DGCR2: variants seen among roughly 807,000 people sequenced by gnomAD.
DGCR2 encodes DiGeorge syndrome critical region gene 2.
A neutral mutation model predicts 51.6 loss-of-function variants in DGCR2; 24 were observed. The ratio of observed to expected loss-of-function variants is 0.47; its 90% confidence interval spans 0.34 to 0.65. DGCR2 has a LOEUF of 0.65. Among genes scored for constraint, DGCR2 ranks in the 30% least tolerant of loss-of-function variants. The pLI, the probability that DGCR2 is intolerant of heterozygous loss-of-function variation, is 0.01. For synonymous variants in DGCR2, 340 were observed against 315.4 expected (o/e 1.08, Z -0.82); for missense variants, 765 against 772.1 (o/e 0.99, Z 0.11).
chr22:19,085,810 C>T (rs1370103484), intron 2 of DGCR2, among the ~76,000 whole-genome samples: 1 of 152,130 alleles, frequency 6.6e-6, no homozygotes, highest in African/African-American at 2.4e-5. Flanking sequence ...TCCAGAAGTC[C>T]TGAAGTCTAG....
intron 2 of DGCR2, among the ~76,000 whole-genome samples, chr22:19,069,111 C>T (rs893301760): frequency 2.0e-5 from 3 of 152,224 alleles, no homozygotes; most frequent in African/African-American, 7.2e-5. Flanking sequence ...TGAAGGGCAT[C>T]GGGTACAAGG....
chr22:19,064,499 C>T (rs1019303515), intron 4 of DGCR2, among the ~76,000 whole-genome samples: 4 of 152,188 alleles, frequency 2.6e-5, no homozygotes, highest in African/African-American at 7.2e-5. Flanking sequence ...ACAAGGCCCA[C>T]GAAGCCCCAC....
intron 9 of DGCR2, among the ~76,000 whole-genome samples, chr22:19,039,946 A>C (rs2082413160): frequency 6.6e-6 from 1 of 152,102 alleles, no homozygotes; most frequent in Admixed American, 6.5e-5. Flanking sequence ...CAACATAGTG[A>C]GACCCCTCCT....
chr22:19,044,716 T>C (rs1252691739), intron 7 of DGCR2, among the ~76,000 whole-genome samples: 3 of 152,272 alleles, frequency 2.0e-5, no homozygotes, highest in African/African-American at 4.8e-5. Flanking sequence ...ATTTAGTTTG[T>C]TTCCCTAATG....
intron 2 of DGCR2, among the ~76,000 whole-genome samples, chr22:19,086,379 T>G (rs1476651623): frequency 1.3e-5 from 2 of 152,020 alleles, no homozygotes; most frequent in African/African-American, 4.8e-5. Context: ...CTCAGGAGGC[T>G]GAGGCAGGAG....
At chr22:19,083,623 C>G (rs1389466421) in intron 2 of DGCR2, among the ~76,000 whole-genome samples, 1 of 152,058 alleles carries the variant, frequency 6.6e-6, no homozygotes, top group Admixed American at 6.6e-5. Context: ...TTTTCTCCCT[C>G]AAAAATTTTA....
chr22:19,098,505 A>AC (rs2083166543), intron 1 of DGCR2, among the ~76,000 whole-genome samples: 1 of 152,174 alleles, frequency 6.6e-6, no homozygotes, highest in African/African-American at 2.4e-5. Flanking sequence ...TTAGCGAAAA[A>AC]CAAAAAAAAA....
intron 2 of DGCR2, among the ~76,000 whole-genome samples, chr22:19,085,408 A>T (rs2083003967): frequency 6.6e-6 from 1 of 152,208 alleles, no homozygotes; most frequent in South Asian, 2.1e-4. Context: ...CACTGCAAAA[A>T]GTCACCTCAA....
intron 3 of DGCR2, 25 bp downstream of exon 3, chr22:19,068,071 GTCCC>G: frequency 6.5e-7 from 1 of 1,537,020 alleles, no homozygotes. Context: ...ACTCCCCAGT[GTCCC>G]AGTCAGGGCA....
At chr22:19,062,785 TC>T (rs2082690728) in intron 5 of DGCR2, among the ~76,000 whole-genome samples, 1 of 141,710 alleles carries the variant, frequency 7.1e-6, no homozygotes, top group Non-Finnish European at 1.6e-5. Context: ...GCTCACTCTC[TC>T]TCTCTCTCTC....
At chr22:19,103,930 G>A (rs546737865) in intron 1 of DGCR2, among the ~76,000 whole-genome samples, 1 of 151,988 alleles carries the variant, frequency 6.6e-6, no homozygotes, top group East Asian at 1.9e-4. Flanking sequence ...TATGAGGTGA[G>A]AGTACCTCTT....
intron 2 of DGCR2, among the ~76,000 whole-genome samples, chr22:19,084,308 T>C (rs1480954057): frequency 6.8e-6 from 1 of 148,132 alleles, no homozygotes; most frequent in Non-Finnish European, 1.5e-5. Flanking sequence ...TCATCTGAGA[T>C]ATGGGGAGCG....
Position 19,063,238 on chromosome 22 carries a change from G to C in DGCR2, c.589C>G (p.Arg197Gly). Residue 197 changes from arginine (R) to glycine (G), a missense_variant, in exon 5 of 10, where the codon CGC becomes GGC. Physicochemically the swap from Arg to Gly is moderately radical, Grantham distance 125. Transcript: ENST00000263196. ...ACCTCCCAGCGACCTTCCAAGGAGC[G>C]GTTCCGGCCAGTGATAACATACTGA... ...GYQYVITGRN[R>G]SLEGRWEVAF... is the part of the protein sequence containing the mutation. 1 of 1,614,188 alleles carries C rather than the reference G, an allele frequency of 6.2e-7. No homozygotes were observed. The highest frequency in any genetic ancestry group is 8.5e-7 in the Non-Finnish European group (1 of 1,180,022).
chr22:19,062,772 C>CAT (rs1480457456), intron 5 of DGCR2, among the ~76,000 whole-genome samples: 3 of 136,952 alleles, frequency 2.2e-5, no homozygotes, highest in Non-Finnish European at 4.8e-5. Flanking sequence ...CACACACATG[C>CAT]ATGCTCACTC....
chr22:19,077,194 A>G (rs1441803984), intron 2 of DGCR2, among the ~76,000 whole-genome samples: 2 of 152,016 alleles, frequency 1.3e-5, no homozygotes, highest in African/African-American at 4.8e-5. Context: ...TTAAATTTTG[A>G]CGTAGCTTAA....
intron 7 of DGCR2, chr22:19,045,296 ACAGT>A (rs773965744): frequency 1.3e-5 from 2 of 152,242 alleles, no homozygotes; most frequent in Non-Finnish European, 2.9e-5. Flanking sequence ...TTGATTGTTC[ACAGT>A]CAGTAACAGA....
intron 1 of DGCR2, among the ~76,000 whole-genome samples, chr22:19,097,904 A>G (rs2083159620): frequency 1.3e-5 from 2 of 152,250 alleles, no homozygotes; most frequent in Admixed American, 1.3e-4. Flanking sequence ...GGCTAAGACC[A>G]GAAGGGCTGA....
At chr22:19,100,394 T>C (rs1267461217) in intron 1 of DGCR2, among the ~76,000 whole-genome samples, 2 of 152,222 alleles carry the variant, frequency 1.3e-5, no homozygotes, top group Non-Finnish European at 2.9e-5. Flanking sequence ...TCTTAGCCAA[T>C]GGATTGTTGA....
At chr22:19,095,618 G>A (rs376542135) in intron 1 of DGCR2, among the ~76,000 whole-genome samples, 49 of 143,368 alleles carry the variant, frequency 3.4e-4, no homozygotes, top group African/African-American at 1.2e-3. Flanking sequence ...CCCAGATCGC[G>A]CCACTGCCCT....
Sources: gnomAD v4.1 joint callset for allele counts (sites outside exome capture counted in the v4.1 genomes callset) on GRCh38, gnomAD v4.1.1 for gene constraint, MANE v1.5 for transcripts, NCBI Gene and HGNC (gene_info 2026-07-23, HGNC 2026-07-21) for gene names.